The following KCNH1 variants were observed in gnomAD, a reference collection of about 807,000 sequenced individuals.
The protein encoded by KCNH1 is voltage-gated delayed rectifier potassium channel KCNH1.
In KCNH1, 27 loss-of-function variants were observed where a neutral mutation model predicts 69.2. That is an observed-to-expected ratio of 0.39 (90% CI 0.29 to 0.54). KCNH1 has a LOEUF of 0.54. Among genes scored for constraint, KCNH1 ranks in the 20% least tolerant of loss-of-function variants. KCNH1 has a pLI of 0.68. For synonymous variants in KCNH1, 456 were observed against 487.7 expected, an observed-to-expected ratio of 0.93 and a Z score of 0.86; for missense variants, 798 against 1,261.6, an observed-to-expected ratio of 0.63 and a Z score of 5.57.
rs1681274401 is a variant in KCNH1, at chr1:210,681,852, G to T, written c.*1429C>A. On this transcript the variant is annotated 3_prime_UTR_variant, in exon 11 of 11. Coordinates refer to ENST00000271751, the MANE Select transcript of KCNH1 (RefSeq NM_172362.3). ...CCTGACACCTCTCTCTAGGGCATAT[G>T]CCCCGGCCAGCTCCACTGTGCCTGG... The T allele has an allele frequency of 1.3e-5, 2 of 152,198 alleles. No individual in the cohort carries two copies. Among genetic ancestry groups the T allele is most frequent in the Admixed American group, 1.3e-4 (2 of 15,276 alleles). 9.4% of individuals were successfully genotyped at this position (152,198 alleles called of 1,614,324 possible).
intron 1 of KCNH1, among the ~76,000 whole-genome samples, chr1:211,127,208 G>A (rs762027533): frequency 6.6e-6 from 1 of 152,124 alleles, no homozygotes; most frequent in Non-Finnish European, 1.5e-5. Flanking sequence ...CCGTAAGCTA[G>A]CCTTTGCTTT....
chr1:211,071,290 C>G (rs1046807232), intron 5 of KCNH1, among the ~76,000 whole-genome samples: 1 of 152,066 alleles, frequency 6.6e-6, no homozygotes, highest in Admixed American at 6.5e-5. Flanking sequence ...TCGTATGGGT[C>G]CCCCAGTGTT....
rs188846976 is a variant in KCNH1 at position 210,917,355 on chromosome 1, G to A, written c.1462+2285C>T. Among the ~76,000 whole-genome samples the A allele has an allele frequency of 5.9e-3, 897 of 152,118 alleles. 9 individuals carry two copies. Among genetic ancestry groups the A allele is most frequent in the African/African-American group, 0.02 (849 of 41,516 alleles). Reference sequence around the variant, plus strand: ...AGAGACACAGAGAGAGAGAAAGAGAGAGAGAGAGAGATCACCTGACTCTCA... The same window carrying A: ...AGAGACACAGAGAGAGAGAAAGAGAAAGAGAGAGAGATCACCTGACTCTCA... On this transcript the variant is annotated intron_variant, in intron 7 of 10. Coordinates refer to ENST00000271751, the MANE Select transcript of KCNH1 (RefSeq NM_172362.3).
intron 10 of KCNH1, among the ~76,000 whole-genome samples, chr1:210,746,569 C>CT (rs71303042): frequency 0.48 from 71,048 of 148,070 alleles, 16,987 homozygotes; most frequent in East Asian, 0.7. Flanking sequence ...TTCTTTCTTT[C>CT]TTTTTTTTTT....
chr1:211,096,626 T>C (rs549970104), intron 3 of KCNH1, among the ~76,000 whole-genome samples: 1 of 152,318 alleles, frequency 6.6e-6, no homozygotes, highest in Non-Finnish European at 1.5e-5. Flanking sequence ...AAGACCTAAA[T>C]AAATGGAGAG....
At position 211,098,321 on chromosome 1, in the gene KCNH1, GA is replaced by G. The variant is rs61005709; in HGVS notation, c.310+5174del. Among the ~76,000 whole-genome samples the G allele has an allele frequency of 5.9e-3, 756 of 128,262 alleles. 2 individuals are homozygous for G. Among genetic ancestry groups the G allele is most frequent in the African/African-American group, 0.012 (408 of 33,350 alleles). The allele number at this position is 128,262 out of a possible 152,430, so 84.1% of individuals were successfully genotyped here. On this transcript the variant is annotated intron_variant, in intron 3 of 10. Coordinates refer to ENST00000271751, the MANE Select transcript of KCNH1 (RefSeq NM_172362.3). The stretch of plus-strand genomic sequence containing the variant: ...GGGCGACATAGCCAGACCCTGTCTT[GA>G]AAAAAAAAAAAAAAGAAAGAAAAGA...
intron 5 of KCNH1, among the ~76,000 whole-genome samples, chr1:211,032,265 T>C (rs563557590): frequency 1.1e-4 from 16 of 152,156 alleles, no homozygotes; most frequent in African/African-American, 3.9e-4. Context: ...TAAAAGAGGA[T>C]ACAAACAATT....
At chr1:210,878,354 A>G (rs1474939566) in intron 7 of KCNH1, among the ~76,000 whole-genome samples, 2 of 152,116 alleles carry the variant, frequency 1.3e-5, no homozygotes, top group African/African-American at 4.8e-5. Context: ...CATTCTTCTC[A>G]AGCTCACATG....
chr1:211,075,738 G>T (rs1390884186), intron 5 of KCNH1, among the ~76,000 whole-genome samples: 3 of 152,208 alleles, frequency 2.0e-5, no homozygotes, highest in Non-Finnish European at 2.9e-5. Context: ...GTTGGACAGT[G>T]GGTGCAGCCC....
chr1:211,086,352 C>G (rs923649938), intron 4 of KCNH1, among the ~76,000 whole-genome samples: 1 of 152,106 alleles, frequency 6.6e-6, no homozygotes, highest in Non-Finnish European at 1.5e-5. Context: ...CAATTATATC[C>G]CACTTGGAAG....
chr1:210,885,680 C>A (rs771351952), intron 7 of KCNH1, among the ~76,000 whole-genome samples: 1 of 152,150 alleles, frequency 6.6e-6, no homozygotes, highest in Non-Finnish European at 1.5e-5. Context: ...AGTCTGAAGT[C>A]CACCTGGGAC....
intron 7 of KCNH1, among the ~76,000 whole-genome samples, chr1:210,838,942 C>A (rs1008995462): frequency 8.5e-5 from 13 of 152,158 alleles, no homozygotes; most frequent in African/African-American, 2.9e-4. Flanking sequence ...GAAAAAGGAA[C>A]GCTTTTACAT....
chr1:210,938,906 G>A (rs781568813), intron 6 of KCNH1, among the ~76,000 whole-genome samples: 21 of 152,158 alleles, frequency 1.4e-4, no homozygotes, highest in Non-Finnish European at 2.1e-4. Context: ...TTTCTTGACT[G>A]TAGAGAAACG....
intron 7 of KCNH1, among the ~76,000 whole-genome samples, chr1:210,896,027 G>A (rs1446490639): frequency 6.6e-6 from 1 of 152,168 alleles, no homozygotes; most frequent in Non-Finnish European, 1.5e-5. Flanking sequence ...AGTAGGGTAT[G>A]TGAGAAGAAA....
chr1:210,980,925 C>T lies in KCNH1; in HGVS notation c.1032+37858G>A, dbSNP rs17188769. ...AATGATACTGAGGCTTAGTTACAGA[C>T]ATTACCTTGGTCCCGTAGCTCCAAA... On this transcript the variant is annotated intron_variant, in intron 6 of 10. Coordinates refer to ENST00000271751, the MANE Select transcript of KCNH1 (RefSeq NM_172362.3). Among the ~76,000 whole-genome samples the T allele has an allele frequency of 2.2e-3, 334 of 152,232 alleles. 1 individual carries two copies. Among genetic ancestry groups the T allele is most frequent in the Non-Finnish European group, 3.1e-3 (209 of 68,014 alleles).
At chr1:211,001,471 C>G (rs894076465) in intron 6 of KCNH1, among the ~76,000 whole-genome samples, 5 of 152,168 alleles carry the variant, frequency 3.3e-5, no homozygotes, top group African/African-American at 1.2e-4. Flanking sequence ...GAGATACCAT[C>G]CCACACCAGT....
chr1:210,726,444 G>A lies in KCNH1; in HGVS notation c.2113-42306C>T, dbSNP rs551682261. On this transcript the variant is annotated intron_variant, in intron 10 of 10. Coordinates refer to ENST00000271751, the MANE Select transcript of KCNH1 (RefSeq NM_172362.3). ...GCCAGGTTGGCATCTGGGTCCTGAA[G>A]TGTCAGGGAGCTTGGACAGGTATGT... Among the ~76,000 whole-genome samples the A allele has an allele frequency of 2.8e-4, 42 of 152,308 alleles. 1 individual carries two copies. In the South Asian group the frequency reaches 8.7e-3, roughly 32 times the overall value.
intron 10 of KCNH1, among the ~76,000 whole-genome samples, chr1:210,751,617 G>T (rs1683286201): frequency 1.3e-5 from 2 of 152,160 alleles, no homozygotes; most frequent in South Asian, 4.2e-4. Context: ...TAGCGGCCTG[G>T]CTGGACCTGA....
At chr1:211,081,095 T>C (rs548123548) in intron 5 of KCNH1, among the ~76,000 whole-genome samples, 1 of 152,184 alleles carries the variant, frequency 6.6e-6, no homozygotes, top group African/African-American at 2.4e-5. Context: ...ATCCAGAATC[T>C]ACAAAGAACT....
Sources: allele counts gnomAD v4.1 joint callset (sites outside exome capture counted in the v4.1 genomes callset), GRCh38; gene constraint gnomAD v4.1.1; transcripts MANE v1.5; gene names NCBI Gene and HGNC (gene_info 2026-07-23, HGNC 2026-07-21).